Variants in TRPV3 observed in about 807,000 individuals in gnomAD.
The protein encoded by TRPV3 is VRL-3.
In TRPV3, 88 loss-of-function variants were observed where a neutral mutation model predicts 87.1. The observed-to-expected ratio is 1.01, with a 90% CI of 0.85 to 1.21. The LOEUF is 1.21. Among genes scored for constraint, TRPV3 ranks in the 50% most tolerant of loss-of-function variants. The pLI is 0.00. For synonymous variants in TRPV3, 438 were observed against 423.3 expected (o/e 1.03, Z -0.43); for missense variants, 1,054 against 1,030.1 (o/e 1.02, Z -0.32).
Position 3,530,368 on chromosome 17 carries a change from G to A in TRPV3, c.1066-165C>T. ...TGGCCCCTGGGCCCCGTCTTTATCT[G>A]TGGAATGCGCACAAAGCTTGCTGTT... On this transcript the variant is annotated intron_variant, in intron 8 of 17. Transcript: ENST00000576742. This position sits in a 1 kb window ranked among gnomAD's most constrained non-coding sequence, Gnocchi z 4.0. The A allele has an allele frequency of 1.7e-6, 1 of 603,138 alleles. No individual in the cohort carries two copies. The highest frequency in any genetic ancestry group is 2.7e-6 in the Non-Finnish European group (1 of 364,016). The allele number at this position is 603,138 out of a possible 1,614,324, so 37.4% of individuals were successfully genotyped here. A position where few individuals can be genotyped will look rare whatever the true frequency, so the allele number is the denominator to read the frequency against.
rs528196942 is a variant in TRPV3 at position 3,525,185 on chromosome 17, C to A, written c.1578-822G>T. ...CAGGCACCCGCCACCACACCAGGCT[C>A]ATTTTTGTATTTTTAGTAGAGATGG... On this transcript the variant is annotated intron_variant, in intron 12 of 17. Transcript: ENST00000576742. Among the ~76,000 whole-genome samples, 166 of 152,112 alleles carry A rather than the reference C, an allele frequency of 1.1e-3. 4 individuals are homozygous for A. The South Asian group carries it at 0.031, about 28-fold the overall frequency.
intron 12 of TRPV3, among the ~76,000 whole-genome samples, chr17:3,525,268 C>A (rs2074288911): frequency 6.6e-6 from 1 of 152,238 alleles, no homozygotes; most frequent in Admixed American, 6.5e-5. Context: ...GATCCACCCA[C>A]CTCGGCCTCC....
chr17:3,524,321 G>A lies in TRPV3; in HGVS notation c.1620C>T (p.Tyr540=). Residue 540 remains tyrosine (Y), a synonymous_variant, in exon 13 of 18, where the codon TAC becomes TAT. Transcript: ENST00000576742. ...CGAGGTACTCTTTGTAGGCAAACAA[G>A]TACAAGAAGACAGACAGTATCACAA... The part of the protein sequence containing the change: ...AVLVILSVFL[Y]LFAYKEYLAC... 6.2e-7 allele frequency: 1 copy of A among 1,614,254 alleles called. No homozygotes were observed. The highest frequency in any genetic ancestry group is 8.5e-7 in the Non-Finnish European group (1 of 1,180,048).
At chr17:3,521,671 T>TTA (rs1205450055) in intron 13 of TRPV3, among the ~76,000 whole-genome samples, 2 of 152,186 alleles carry the variant, frequency 1.3e-5, no homozygotes, top group African/African-American at 4.8e-5. Flanking sequence ...ATTTATACAA[T>TTA]TATATATGTC....
chr17:3,543,705 C>T (rs1476839677), intron 4 of TRPV3, 77 bp from the exon 5 acceptor site: 8 of 1,575,196 alleles, frequency 5.1e-6, no homozygotes, highest in Non-Finnish European at 3.5e-6. Context: ...GCCAGAGCTG[C>T]CTACGGGGCG....
At chr17:3,536,111 G>A (rs909994904) in intron 6 of TRPV3, among the ~76,000 whole-genome samples, 2 of 152,232 alleles carry the variant, frequency 1.3e-5, no homozygotes, top group African/African-American at 2.4e-5. Flanking sequence ...TCTAACCTGG[G>A]ACCTCAGAAG....
At chr17:3,520,673 A>G (rs1243224466) in intron 14 of TRPV3, among the ~76,000 whole-genome samples, 2 of 152,148 alleles carry the variant, frequency 1.3e-5, no homozygotes, top group East Asian at 3.9e-4. Flanking sequence ...TAAAAAGGTA[A>G]TGCTTGATTA....
chr17:3,540,545 A>G (rs1249999794), intron 6 of TRPV3, among the ~76,000 whole-genome samples: 1 of 152,206 alleles, frequency 6.6e-6, no homozygotes, highest in African/African-American at 2.4e-5. Flanking sequence ...ACCTTCTTTC[A>G]TTCACTCATC....
intron 6 of TRPV3, among the ~76,000 whole-genome samples, chr17:3,537,187 G>A (rs1040338508): frequency 5.9e-5 from 9 of 151,588 alleles, no homozygotes; most frequent in African/African-American, 9.7e-5. Flanking sequence ...GTGCAGTGGC[G>A]TGAGCATAGC....
At chr17:3,516,602 T>C in intron 15 of TRPV3, 33 bp from the exon 16 acceptor site, 1 of 1,522,068 alleles carries the variant, frequency 6.6e-7, no homozygotes, top group Non-Finnish European at 9.1e-7. Context: ...GGAGTAGGCA[T>C]CCACACTCAC....
Position 3,542,664 on chromosome 17 carries a change from C to G in TRPV3, c.501G>C (p.Thr167=), listed in dbSNP as rs780723914. 5.6e-6 allele frequency: 9 copies of G among 1,614,064 alleles called. No homozygotes were observed. Among genetic ancestry groups the G allele is most frequent in the African/African-American group, 1.3e-5 (1 of 75,040 alleles). ...AGGCCTTCATCAGGCAGGTCTTCCC[C>G]GTGTCGGAGGCCGTCAGCTTGTGCA... ...FLMHKLTASD[T]GKTCLMKALL... The change falls in exon 6 of 18, where the codon ACG becomes ACC. Residue 167 remains threonine, a synonymous_variant. Transcript: ENST00000576742.
chr17:3,513,041 A>G lies in TRPV3; in HGVS notation c.*876T>C, dbSNP rs190173726. 6.6e-6 allele frequency: 1 copy of G among 152,492 alleles called. No individual in the cohort carries two copies. Among genetic ancestry groups the G allele is most frequent in the African/African-American group, 2.4e-5 (1 of 41,566 alleles). The allele number at this position is 152,492 out of a possible 1,614,324, so 9.4% of individuals were successfully genotyped here. On this transcript the variant is annotated 3_prime_UTR_variant, in exon 18 of 18. Coordinates refer to ENST00000576742, the MANE Select transcript of TRPV3 (RefSeq NM_145068.4). ...CCTTTCACCCAGATCGCGGCGGCCC[A>G]GCAGGACTTGCCCGGAGTGTCTCAT...
At chr17:3,543,976 C>A (rs1440371610) in intron 4 of TRPV3, among the ~76,000 whole-genome samples, 1 of 152,078 alleles carries the variant, frequency 6.6e-6, no homozygotes, top group East Asian at 1.9e-4. Context: ...GATAAGCAAC[C>A]ATGGTAACGC....
chr17:3,517,986 CT>C (rs2074199764), intron 15 of TRPV3, among the ~76,000 whole-genome samples: 1 of 151,812 alleles, frequency 6.6e-6, no homozygotes, highest in Non-Finnish European at 1.5e-5. Flanking sequence ...ACCTGGCTAG[CT>C]TTTGTATTTT....
intron 6 of TRPV3, among the ~76,000 whole-genome samples, chr17:3,538,439 A>C (rs2074428093): frequency 8.1e-6 from 1 of 123,920 alleles, no homozygotes; most frequent in Non-Finnish European, 1.5e-5. Flanking sequence ...GAAAAGAACA[A>C]AAAAAAAAAA....
At chr17:3,516,433 C>T (rs1285484424) in intron 16 of TRPV3, 24 bp downstream of exon 16, 1 of 1,597,318 alleles carries the variant, frequency 6.3e-7, no homozygotes, top group Middle Eastern at 1.7e-4. Context: ...GACCACCACC[C>T]CAGGGCCCTT....
intron 2 of TRPV3, among the ~76,000 whole-genome samples, chr17:3,546,016 A>G (rs915782256): frequency 6.7e-6 from 1 of 150,300 alleles, no homozygotes; most frequent in Non-Finnish European, 1.5e-5. Flanking sequence ...AAGAAAGAAA[A>G]CAGGGAGCAC....
chr17:3,514,305 C>CT (rs1157690467), intron 17 of TRPV3: 2 of 502,082 alleles, frequency 4.0e-6, no homozygotes, highest in Non-Finnish European at 7.1e-6. Flanking sequence ...TCTCAAACTC[C>CT]TGACCTCAGG....
At position 3,532,661 on chromosome 17, in the gene TRPV3, G is replaced by A. The variant is rs541746987; in HGVS notation, c.1061C>T (p.Ala354Val). The A allele has an allele frequency of 5.4e-5, 87 of 1,613,882 alleles. No individual in the cohort carries two copies. The Admixed American group carries it at 7.2e-4, about 13-fold the overall frequency. ...CCCCACGCCCCATGGCCCCACCTCC[G>A]CCTTGCCCATCTTGGCGGCCAGCTG... ...PLQLAAKMGK[A>V]EILKYILSRE... Residue 354 changes from alanine to valine, a missense_variant, in exon 8 of 18, where the codon GCG (alanine) becomes GTG (valine). Transcript: ENST00000576742.
Sources: allele counts gnomAD v4.1 joint callset (sites outside exome capture counted in the v4.1 genomes callset), GRCh38; gene constraint gnomAD v4.1.1; non-coding constraint Gnocchi (gnomAD v3.1); transcripts MANE v1.5; gene names NCBI Gene and HGNC (gene_info 2026-07-23, HGNC 2026-07-21).